The following IL1RAPL1 variants were observed in gnomAD, a reference collection of about 807,000 sequenced individuals.
IL1RAPL1 encodes the protein interleukin 1 receptor accessory protein like 1.
A neutral mutation model predicts 48.4 loss-of-function variants in IL1RAPL1; 3 were observed. The ratio of observed to expected loss-of-function variants is 0.06; its 90% CI spans 0.03 to 0.16. The LOEUF is 0.16. Ranked by LOEUF, IL1RAPL1 falls within the 10% of genes least tolerant of loss-of-function variation. The pLI, the probability that IL1RAPL1 is intolerant of heterozygous loss-of-function variation, is 1.00. For synonymous variants in IL1RAPL1, 185 were observed against 187.7 expected (o/e 0.99, Z 0.12); for missense variants, 349 against 530.6 (o/e 0.66, Z 3.36).
chrX:29,143,893 G>C (rs755176238), intron 2 of IL1RAPL1, among the ~76,000 whole-genome samples: 4 of 111,962 alleles, frequency 3.6e-5, no homozygotes, highest in African/African-American at 1.3e-4. Flanking sequence ...CGTCAGATAA[G>C]AGGGAACTAC....
intron 2 of IL1RAPL1, among the ~76,000 whole-genome samples, chrX:28,984,560 T>A (rs1200827656): frequency 8.9e-6 from 1 of 112,162 alleles, no homozygotes; most frequent in Non-Finnish European, 1.9e-5. Flanking sequence ...TCACTATGCT[T>A]CTTCAGTGCT....
chrX:28,864,827 G>A (rs950043925), intron 2 of IL1RAPL1, among the ~76,000 whole-genome samples: 5 of 111,469 alleles, frequency 4.5e-5, no homozygotes, highest in Non-Finnish European at 9.4e-5. Flanking sequence ...CTGTGGGTAG[G>A]GCAGTGCTGT....
chrX:28,791,127 G>T (rs996649460), intron 2 of IL1RAPL1, among the ~76,000 whole-genome samples: 1 of 109,333 alleles, frequency 9.1e-6, no homozygotes. Context: ...TTCTGTGTAT[G>T]TCAGATCTAT....
chrX:29,728,484 G>A (rs1313723831), intron 6 of IL1RAPL1, among the ~76,000 whole-genome samples: 1 of 112,028 alleles, frequency 8.9e-6, no homozygotes, highest in Admixed American at 9.5e-5. Flanking sequence ...TAGAATCTGT[G>A]TAGTGTTACT....
At chrX:29,369,949 G>A (rs753444994) in intron 3 of IL1RAPL1, 1 of 111,860 alleles carries the variant, frequency 8.9e-6, no homozygotes, top group South Asian at 3.7e-4. Context: ...CGTATATGTT[G>A]TTGTTTGTCC....
intron 6 of IL1RAPL1, among the ~76,000 whole-genome samples, chrX:29,901,981 A>G (rs1932504204): frequency 8.9e-6 from 1 of 112,145 alleles, no homozygotes; most frequent in Admixed American, 9.4e-5. Context: ...GTACAATTAT[A>G]AGCAGATCTG....
chrX:28,993,800 A>AT (rs1189572020), intron 2 of IL1RAPL1, among the ~76,000 whole-genome samples: 4 of 112,091 alleles, frequency 3.6e-5, no homozygotes, highest in Non-Finnish European at 7.5e-5. Flanking sequence ...ATTTTTCCCG[A>AT]TTTTTTAGTT....
At chrX:29,361,493 T>TG (rs1338365345) in intron 3 of IL1RAPL1, among the ~76,000 whole-genome samples, 1 of 110,434 alleles carries the variant, frequency 9.1e-6, no homozygotes, top group Admixed American at 9.8e-5. Flanking sequence ...GCCTTCCTAC[T>TG]ACAGTCTTTT....
At chrX:29,327,070 C>CT (rs1932847399) in intron 3 of IL1RAPL1, among the ~76,000 whole-genome samples, 1 of 111,252 alleles carries the variant, frequency 9.0e-6, no homozygotes, top group Non-Finnish European at 1.9e-5. Flanking sequence ...AATTGCCACA[C>CT]TATATAGCAG....
intron 1 of IL1RAPL1, among the ~76,000 whole-genome samples, chrX:28,776,300 A>T (rs1936361988): frequency 8.9e-6 from 1 of 111,752 alleles, no homozygotes; most frequent in Admixed American, 9.6e-5. Context: ...CAATTCTTAG[A>T]ACTCCAAGCA....
chrX:29,724,604 A>G (rs1164873219), intron 6 of IL1RAPL1, among the ~76,000 whole-genome samples: 1 of 112,079 alleles, frequency 8.9e-6, no homozygotes, highest in African/African-American at 3.2e-5. Context: ...GCAAATAAAT[A>G]TGCTGCAAGG....
chrX:28,601,973 C>T (rs966897837), intron 1 of IL1RAPL1, among the ~76,000 whole-genome samples: 4 of 109,007 alleles, frequency 3.7e-5, no homozygotes, highest in African/African-American at 1.0e-4. Context: ...GACGTGGTGG[C>T]GCACGCCTGT....
chrX:29,626,100 TAAAGAAG>T (rs766764865), intron 5 of IL1RAPL1, among the ~76,000 whole-genome samples: 33 of 112,309 alleles, frequency 2.9e-4, no homozygotes, highest in Non-Finnish European at 2.1e-4. Context: ...TTTTAAAATA[TAAAGAAG>T]AAAGATTTGG....
chrX:29,358,386 T>C (rs925451437), intron 3 of IL1RAPL1, among the ~76,000 whole-genome samples: 2 of 110,475 alleles, frequency 1.8e-5, no homozygotes, highest in African/African-American at 3.3e-5. Context: ...TATCTCTGTC[T>C]CTGTCTCTCT....
At chrX:29,581,077 A>G (rs1922947743) in intron 5 of IL1RAPL1, among the ~76,000 whole-genome samples, 1 of 112,249 alleles carries the variant, frequency 8.9e-6, no homozygotes, top group African/African-American at 3.2e-5. Flanking sequence ...TTCTTTCTCC[A>G]CATACATTAT....
intron 5 of IL1RAPL1, among the ~76,000 whole-genome samples, chrX:29,490,361 G>A (rs1385844942): frequency 9.1e-6 from 1 of 109,873 alleles, no homozygotes. Context: ...GCAAAACCCC[G>A]TGTCTACAAA....
At chrX:29,228,421 C>G (rs1338879685) in intron 2 of IL1RAPL1, among the ~76,000 whole-genome samples, 2 of 102,747 alleles carry the variant, frequency 1.9e-5, no homozygotes, top group Non-Finnish European at 4.0e-5. Context: ...GTGATGCGAT[C>G]TCTGCTCACT....
intron 3 of IL1RAPL1, among the ~76,000 whole-genome samples, chrX:29,360,609 T>C (rs950367693): frequency 1.8e-5 from 2 of 112,063 alleles, no homozygotes; most frequent in African/African-American, 6.5e-5. Context: ...TAGTTTTAAC[T>C]TGTTATTTTG....
intron 6 of IL1RAPL1, among the ~76,000 whole-genome samples, chrX:29,763,262 A>T (rs1461914982): frequency 2.7e-5 from 3 of 111,328 alleles, no homozygotes. Context: ...CTTTTGCAAA[A>T]TATTATAAAT....
Sources: allele counts gnomAD v4.1 joint callset (sites outside exome capture counted in the v4.1 genomes callset), GRCh38; gene constraint gnomAD v4.1.1; transcripts MANE v1.5; gene names NCBI Gene and HGNC (gene_info 2026-07-23, HGNC 2026-07-21).